The following EFCAB11 variants were observed in gnomAD, a reference collection of about 807,000 sequenced individuals.
EFCAB11 encodes the protein EF-hand calcium binding domain 11.
A neutral mutation model predicts 23.0 loss-of-function variants in EFCAB11; 14 were observed. That is an observed-to-expected ratio of 0.61 (90% confidence interval 0.40 to 0.95). EFCAB11 has a LOEUF of 0.95. Ranked by LOEUF, EFCAB11 falls within the 40% of genes least tolerant of loss-of-function variation. EFCAB11 has a pLI of 0.00. For synonymous variants in EFCAB11, 65 were observed against 66.6 expected, an observed-to-expected ratio of 0.98 and a Z score of 0.11; for missense variants, 198 against 195.8, an observed-to-expected ratio of 1.01 and a Z score of -0.07.
intron 4 of EFCAB11, 36 bp downstream of exon 4, chr14:89,932,490 A>T (rs749310181): frequency 3.9e-5 from 61 of 1,548,068 alleles, no homozygotes; most frequent in Middle Eastern, 1.7e-4. Context: ...CTTAAAAGTA[A>T]TTTTTTTTAC....
At chr14:89,859,874 T>C (rs1887867670) in intron 5 of EFCAB11, among the ~76,000 whole-genome samples, 1 of 152,164 alleles carries the variant, frequency 6.6e-6, no homozygotes, top group African/African-American at 2.4e-5. Context: ...GAATATATAG[T>C]ATAGCCATGC....
intron 5 of EFCAB11, among the ~76,000 whole-genome samples, chr14:89,805,017 C>T (rs914479137): frequency 6.6e-6 from 1 of 152,148 alleles, no homozygotes; most frequent in Non-Finnish European, 1.5e-5. Context: ...GTATAGTTAT[C>T]ATCTGACCAT....
chr14:89,828,719 G>A (rs917599914), intron 5 of EFCAB11, among the ~76,000 whole-genome samples: 4 of 152,160 alleles, frequency 2.6e-5, no homozygotes, highest in African/African-American at 9.7e-5. Flanking sequence ...AGCTTATGAA[G>A]CAGATGTTCA....
intron 3 of EFCAB11, among the ~76,000 whole-genome samples, chr14:89,946,226 G>A (rs1266584089): frequency 6.6e-6 from 1 of 152,004 alleles, no homozygotes; most frequent in Non-Finnish European, 1.5e-5. Flanking sequence ...GGGCATAAAT[G>A]TTTAATTCCC....
chr14:89,911,588 A>G (rs1566807682), intron 5 of EFCAB11, among the ~76,000 whole-genome samples: 1 of 152,196 alleles, frequency 6.6e-6, no homozygotes, highest in Non-Finnish European at 1.5e-5. Context: ...TTTGCAGATA[A>G]AAAGACCCCT....
In EFCAB11 at chr14:89,932,630, A is replaced by G. The variant is rs750067554; in HGVS notation, c.218-3T>C. On this transcript the variant is annotated splice_polypyrimidine_tract_variant and splice_region_variant and intron_variant, in intron 3 of 5. Transcript: ENST00000316738. Reference sequence around the variant, plus strand: ...TAAAAACCCCTCGAGTAATATACCTAAAAGTTGGGGAAAAAACAATTTGTC... The same window carrying G: ...TAAAAACCCCTCGAGTAATATACCTGAAAGTTGGGGAAAAAACAATTTGTC... The G allele has an allele frequency of 6.2e-7, 1 of 1,609,104 alleles. No individual in the cohort carries two copies. Among genetic ancestry groups the G allele is most frequent in the African/African-American group, 1.3e-5 (1 of 74,732 alleles).
Position 89,931,689 on chromosome 14 carries a change from T to C in EFCAB11, c.320-58A>G. 3 of 1,441,202 alleles carry C rather than the reference T, an allele frequency of 2.1e-6. No homozygotes were observed. The South Asian group carries it at 3.5e-5, about 17-fold the overall frequency. The allele number at this position is 1,441,202 out of a possible 1,614,324, so 89.3% of individuals were successfully genotyped here. A position where few individuals can be genotyped will look rare whatever the true frequency, so the allele number is the denominator to read the frequency against. On this transcript the variant is annotated intron_variant, in intron 4 of 5. Coordinates refer to ENST00000316738, the MANE Select transcript of EFCAB11 (RefSeq NM_145231.4). ...TTTAATAAGACCTATCAACTGTTAC[T>C]TCAGCCATAACATTTGTGCAAAACT...
At chr14:89,851,889 T>G (rs943334030) in intron 5 of EFCAB11, among the ~76,000 whole-genome samples, 5 of 152,124 alleles carry the variant, frequency 3.3e-5, no homozygotes, top group African/African-American at 7.2e-5. Flanking sequence ...GAGAGAGACC[T>G]ACAGGTCATA....
intron 5 of EFCAB11, among the ~76,000 whole-genome samples, chr14:89,896,501 A>T (rs2140196489): frequency 6.6e-6 from 1 of 152,332 alleles, no homozygotes; most frequent in Middle Eastern, 3.4e-3. Flanking sequence ...TGGCATTATG[A>T]TATTCCAGCA....
At chr14:89,867,989 C>T (rs1164009537) in intron 5 of EFCAB11, among the ~76,000 whole-genome samples, 3 of 152,344 alleles carry the variant, frequency 2.0e-5, no homozygotes, top group Non-Finnish European at 2.9e-5. Context: ...TAGCGATTAA[C>T]GATGCCTCAT....
intron 3 of EFCAB11, among the ~76,000 whole-genome samples, chr14:89,942,207 T>C (rs1398360866): frequency 6.6e-6 from 1 of 152,196 alleles, no homozygotes; most frequent in African/African-American, 2.4e-5. Context: ...TCTCAGGTAG[T>C]TCTTTATAGC....
chr14:89,846,575 AC>A (rs2140134192), intron 5 of EFCAB11, among the ~76,000 whole-genome samples: 1 of 152,254 alleles, frequency 6.6e-6, no homozygotes, highest in Admixed American at 6.5e-5. Context: ...ATCATCAGCT[AC>A]CCAGGCTTCT....
At chr14:89,896,077 C>CA (rs1170610682) in intron 5 of EFCAB11, among the ~76,000 whole-genome samples, 6 of 152,142 alleles carry the variant, frequency 3.9e-5, no homozygotes, top group African/African-American at 1.4e-4. Context: ...TAAACCCACT[C>CA]AACCGGGAAA....
At chr14:89,818,194 A>T (rs1886394240) in intron 5 of EFCAB11, among the ~76,000 whole-genome samples, 1 of 152,194 alleles carries the variant, frequency 6.6e-6, no homozygotes, top group Non-Finnish European at 1.5e-5. Context: ...AAGTTACAGA[A>T]GGAAAAATAT....
At chr14:89,802,532 C>T (rs1025608260) in intron 5 of EFCAB11, among the ~76,000 whole-genome samples, 1 of 152,096 alleles carries the variant, frequency 6.6e-6, no homozygotes, top group East Asian at 1.9e-4. Context: ...GCTGGGATTA[C>T]AGGCATGCGC....
At chr14:89,886,528 AAAAAAAAAAAAAAAAAG>A (rs1222449248) in intron 5 of EFCAB11, among the ~76,000 whole-genome samples, 3 of 141,172 alleles carry the variant, frequency 2.1e-5, no homozygotes, top group South Asian at 2.3e-4. Flanking sequence ...AAAAAAAAAA[AAAAAAAAAAAAAAAAAG>A]GAAAGTGATC....
intron 5 of EFCAB11, among the ~76,000 whole-genome samples, chr14:89,809,671 CAA>C (rs1050476198): frequency 6.6e-6 from 1 of 152,148 alleles, no homozygotes; most frequent in Non-Finnish European, 1.5e-5. Flanking sequence ...TGTAAGAAGA[CAA>C]AACTAAGTGA....
At chr14:89,845,627 G>A (rs1438472347) in intron 5 of EFCAB11, among the ~76,000 whole-genome samples, 1 of 152,184 alleles carries the variant, frequency 6.6e-6, no homozygotes, top group Non-Finnish European at 1.5e-5. Context: ...TGTAAGGAGT[G>A]CCCAGAGGAT....
rs536349495 is a variant in EFCAB11 at position 89,908,437 on chromosome 14, C to G, written c.410+23104G>C. Among the ~76,000 whole-genome samples, 9 of 152,274 alleles carry G rather than the reference C, an allele frequency of 5.9e-5. No homozygotes were observed. The South Asian group carries it at 1.5e-3, about 25-fold the overall frequency. On this transcript the variant is annotated intron_variant, in intron 5 of 5. Coordinates refer to ENST00000316738, the MANE Select transcript of EFCAB11 (RefSeq NM_145231.4). ...CTTTCTGAGTACCAATATTACACCA[C>G]GAGTGGAAAATTCCATACATAAGTA...
Sources: gnomAD v4.1 joint callset for allele counts (sites outside exome capture counted in the v4.1 genomes callset) on GRCh38, gnomAD v4.1.1 for gene constraint, MANE v1.5 for transcripts, NCBI Gene and HGNC (gene_info 2026-07-23, HGNC 2026-07-21) for gene names.